Variants in RNF180 observed in about 807,000 individuals in gnomAD.
RNF180 encodes the protein ring finger protein 180.
Under a neutral mutation model 59.2 loss-of-function variants are expected in RNF180, and 38 were observed. The observed-to-expected ratio is 0.64, with a 90% CI of 0.50 to 0.84. The LOEUF is 0.84. RNF180 is among the 40% of genes least tolerant of loss of function. RNF180 has a pLI of 0.00. For synonymous variants in RNF180, 262 were observed against 240.3 expected (o/e 1.09, Z -0.84); for missense variants, 705 against 700.9 (o/e 1.01, Z -0.07).
At chr5:64,293,843 C>T (rs961260501) in intron 5 of RNF180, among the ~76,000 whole-genome samples, 10 of 151,930 alleles carry the variant, frequency 6.6e-5, no homozygotes, top group African/African-American at 2.4e-5. Flanking sequence ...GTGTATATTC[C>T]GTATTTTTTC....
In RNF180 at chr5:64,298,970, A is replaced by G. The variant is rs185772652; in HGVS notation, c.1228-26216A>G. 1.6e-3 allele frequency among the ~76,000 whole-genome samples: 241 copies of G among 152,092 alleles called. 2 individuals are homozygous for G. The highest frequency in any genetic ancestry group is 5.5e-3 in the African/African-American group (227 of 41,518). On this transcript the variant is annotated intron_variant, in intron 5 of 7. Coordinates refer to ENST00000389100, the MANE Select transcript of RNF180 (RefSeq NM_001113561.2). ...AGTGGCCTCCCACAAATTTTATTTG[A>G]CAAAATCCTAAGCCCCAAGGTGATG... is the stretch of plus-strand genomic sequence containing the variant.
At chr5:64,229,879 C>A (rs1340718016) in intron 5 of RNF180, among the ~76,000 whole-genome samples, 1 of 152,172 alleles carries the variant, frequency 6.6e-6, no homozygotes, top group East Asian at 1.9e-4. Context: ...TGATGTTTAG[C>A]AGAGTTTCTT....
chr5:64,311,417 G>A lies in RNF180; in HGVS notation c.1228-13769G>A, dbSNP rs188765089. Among the ~76,000 whole-genome samples, 649 of 152,020 alleles carry A rather than the reference G, an allele frequency of 4.3e-3. 10 individuals are homozygous for A. Among genetic ancestry groups the A allele is most frequent in the South Asian group, 0.013 (65 of 4,824 alleles). Reference sequence around the variant, plus strand: ...TAGTACCCAATCCTTGAGACACAAAGTCCTATGGTTTCCTGCCTCCAGGTA... The same window carrying A: ...TAGTACCCAATCCTTGAGACACAAAATCCTATGGTTTCCTGCCTCCAGGTA... On this transcript the variant is annotated intron_variant, in intron 5 of 7. Coordinates refer to ENST00000389100, the MANE Select transcript of RNF180 (RefSeq NM_001113561.2).
At chr5:64,276,393 T>TGTG (rs1554038857) in intron 5 of RNF180, among the ~76,000 whole-genome samples, 3 of 107,034 alleles carry the variant, frequency 2.8e-5, no homozygotes, top group Non-Finnish European at 5.9e-5. Flanking sequence ...GTGTGTGTGT[T>TGTG]TATTTATTTT....
chr5:64,366,948 A>G (rs1249307357), intron 7 of RNF180, among the ~76,000 whole-genome samples: 1 of 151,596 alleles, frequency 6.6e-6, no homozygotes, highest in Non-Finnish European at 1.5e-5. Context: ...AACTATCAAG[A>G]GTCAAAGATA....
chr5:64,210,999 G>A (rs980680533), intron 2 of RNF180, among the ~76,000 whole-genome samples: 1 of 152,212 alleles, frequency 6.6e-6, no homozygotes, highest in East Asian at 1.9e-4. Context: ...TGGAAAATTG[G>A]GGTGGCTGAT....
At chr5:64,294,779 T>C (rs1742802000) in intron 5 of RNF180, among the ~76,000 whole-genome samples, 1 of 152,192 alleles carries the variant, frequency 6.6e-6, no homozygotes, top group Non-Finnish European at 1.5e-5. Context: ...TATGACTGTC[T>C]CTTTTTTTGC....
Position 64,198,193 on chromosome 5 carries a change from A to G in RNF180, c.1-2615A>G, listed in dbSNP as rs1353248681. 3.3e-5 allele frequency among the ~76,000 whole-genome samples: 5 copies of G among 152,192 alleles called. No individual in the cohort carries two copies. The East Asian group carries it at 9.6e-4, about 29-fold the overall frequency. On this transcript the variant is annotated intron_variant, in intron 1 of 7. Transcript: ENST00000389100. ...GTACTTAAAAATATTGAGATATTTT[A>G]CATTCTTTTTTTCTACGAAGACTTC...
chr5:64,241,161 T>C (rs574123500), intron 5 of RNF180, among the ~76,000 whole-genome samples: 1 of 152,324 alleles, frequency 6.6e-6, no homozygotes, highest in Non-Finnish European at 1.5e-5. Context: ...GAAGACATTG[T>C]TAGTTCACTA....
At chr5:64,182,475 A>G (rs1370610778) in intron 1 of RNF180, among the ~76,000 whole-genome samples, 1 of 152,220 alleles carries the variant, frequency 6.6e-6, no homozygotes. Flanking sequence ...AAAACAAGCT[A>G]AATTGCATAC....
intron 5 of RNF180, among the ~76,000 whole-genome samples, chr5:64,319,399 A>C (rs1014203885): frequency 1.3e-5 from 2 of 152,108 alleles, no homozygotes; most frequent in Non-Finnish European, 2.9e-5. Context: ...TTAATGTTTA[A>C]TTTGCTGATT....
At chr5:64,334,748 T>C (rs1206293299) in intron 7 of RNF180, among the ~76,000 whole-genome samples, 4 of 152,232 alleles carry the variant, frequency 2.6e-5, no homozygotes, top group Non-Finnish European at 4.4e-5. Context: ...ACATTCTTTT[T>C]ACTACTACAC....
chr5:64,167,593 A>G (rs1749715525), intron 1 of RNF180, among the ~76,000 whole-genome samples: 1 of 152,202 alleles, frequency 6.6e-6, no homozygotes, highest in South Asian at 2.1e-4. Context: ...CTCATACATG[A>G]AGCAGGAATT....
At chr5:64,207,653 T>C (rs960609061) in intron 2 of RNF180, among the ~76,000 whole-genome samples, 4 of 152,124 alleles carry the variant, frequency 2.6e-5, no homozygotes, top group Admixed American at 2.0e-4. Flanking sequence ...GTACCAAGAA[T>C]TGAGGCAGGG....
At chr5:64,357,055 G>A (rs1485480398) in intron 7 of RNF180, among the ~76,000 whole-genome samples, 6 of 151,406 alleles carry the variant, frequency 4.0e-5, no homozygotes, top group Non-Finnish European at 5.9e-5. Context: ...TTATTGAACC[G>A]AAACAAAAAA....
intron 2 of RNF180, among the ~76,000 whole-genome samples, chr5:64,207,155 ATAATT>A (rs1752057708): frequency 6.6e-6 from 1 of 151,942 alleles, no homozygotes; most frequent in Non-Finnish European, 1.5e-5. Context: ...TAATAGTGAA[ATAATT>A]TAATATTTAT....
At chr5:64,215,504 T>C (rs1288033959) in intron 4 of RNF180, among the ~76,000 whole-genome samples, 4 of 152,182 alleles carry the variant, frequency 2.6e-5, no homozygotes, top group Admixed American at 6.5e-5. Context: ...ATTATTTCTA[T>C]AGGTAATTTT....
At chr5:64,363,151 C>A (rs376748570) in intron 7 of RNF180, among the ~76,000 whole-genome samples, 1 of 151,698 alleles carries the variant, frequency 6.6e-6, no homozygotes, top group East Asian at 1.9e-4. Context: ...TTGGCATCTT[C>A]ATCATGAAAT....
At chr5:64,359,103 A>G (rs1413675354) in intron 7 of RNF180, among the ~76,000 whole-genome samples, 1 of 151,456 alleles carries the variant, frequency 6.6e-6, no homozygotes, top group Non-Finnish European at 1.5e-5. Context: ...ATACGTGTGC[A>G]TGTGTCTTTA....
Sources: gnomAD v4.1 joint callset for allele counts (sites outside exome capture counted in the v4.1 genomes callset) on GRCh38, gnomAD v4.1.1 for gene constraint, MANE v1.5 for transcripts, NCBI Gene and HGNC (gene_info 2026-07-23, HGNC 2026-07-21) for gene names.